The following UNC13D variants were observed in gnomAD, a reference collection of about 807,000 sequenced individuals.
UNC13D encodes unc-13 homolog D.
In UNC13D, 115 loss-of-function variants were observed where a neutral mutation model predicts 151.7. The ratio of observed to expected loss-of-function variants is 0.76; its 90% confidence interval spans 0.65 to 0.88. The LOEUF is 0.88. UNC13D is among the 40% of genes least tolerant of loss of function. The pLI, the probability that UNC13D is intolerant of heterozygous loss-of-function variation, is 0.00. For synonymous variants in UNC13D, 588 were observed against 612.2 expected (o/e 0.96, Z 0.58); for missense variants, 1,369 against 1,438.7 (o/e 0.95, Z 0.78).
chr17:75,829,063 T>C (rs369108124), intron 30 of UNC13D, 80 bp from the exon 31 acceptor site: 1 of 1,527,922 alleles, frequency 6.5e-7, no homozygotes, highest in African/African-American at 1.4e-5. Context: ...CCACTTGGTG[T>C]TGGGAACCAG....
chr17:75,837,154 C>T (rs550641644), intron 12 of UNC13D, among the ~76,000 whole-genome samples: 4 of 151,976 alleles, frequency 2.6e-5, no homozygotes, highest in African/African-American at 7.2e-5. Context: ...CAACCTGCGC[C>T]TCCTGGGTTC....
Position 75,835,998 on chromosome 17 carries a change from G to A in UNC13D, c.1544+14C>T. The A allele has an allele frequency of 6.2e-7, 1 of 1,614,168 alleles. No individual in the cohort carries two copies. The highest frequency in any genetic ancestry group is 1.7e-5 in the Admixed American group (1 of 60,028). Reference sequence around the variant, plus strand: ...GCAATGCCCCACTACCTCCCGACCTGGCTATCTGCTCACTTGTGGAAGATC... The same window carrying A: ...GCAATGCCCCACTACCTCCCGACCTAGCTATCTGCTCACTTGTGGAAGATC... On this transcript the variant is annotated intron_variant, in intron 17 of 31. Coordinates refer to ENST00000207549, the MANE Select transcript of UNC13D (RefSeq NM_199242.3).
Position 75,842,536 on chromosome 17 carries a change from G to C in UNC13D, c.466C>G (p.Arg156Gly). 1 of 1,612,724 alleles carries C rather than the reference G, an allele frequency of 6.2e-7. No individual in the cohort carries two copies. The highest frequency in any genetic ancestry group is 8.5e-7 in the Non-Finnish European group (1 of 1,179,620). ...VPGGSPGSRH[R>G]QKAVVRHTIP... ...GTGTGCCTCACCACAGCCTTCTGCC[G>C]ATGCCGGGACCCGGGGCTGCCCCCT... Residue 156 changes from arginine to glycine, a missense_variant, in exon 6 of 32, where the codon CGG (arginine) becomes GGG (glycine). Coordinates refer to ENST00000207549, the MANE Select transcript of UNC13D (RefSeq NM_199242.3).
chr17:75,831,671 G>T (rs1015077754), intron 25 of UNC13D: 2 of 423,090 alleles, frequency 4.7e-6, no homozygotes, highest in Non-Finnish European at 8.7e-6. Flanking sequence ...CATGATTTAA[G>T]ACAGAACCAG....
rs777619516 is a variant in UNC13D at position 75,844,267 on chromosome 17, C to T, written c.71G>A (p.Arg24His). 27 of 1,612,592 alleles carry T rather than the reference C, an allele frequency of 1.7e-5. No individual in the cohort carries two copies. The Admixed American group carries it at 2.3e-4, about 14-fold the overall frequency. Residue 24 changes from arginine to histidine, a missense_variant, in exon 1 of 32, where the codon CGC (arginine) becomes CAC (histidine). Around this residue, in one of 3 missense-constraint regions of UNC13D, gnomAD observed 550 missense variants for 609.0 expected, o/e 0.90. Coordinates refer to ENST00000207549, the MANE Select transcript of UNC13D (RefSeq NM_199242.3). ...GGGATCCTGTAGATCTCTGACTCTG[C>T]GGCGCCTTATCTTGATGGCCTGGCG... is the stretch of plus-strand genomic sequence containing the variant. Reference protein sequence around the residue: ...FLRQAIKIRRRRVRDLQDPPP... With the variant: ...FLRQAIKIRRHRVRDLQDPPP...
chr17:75,844,092 A>G, intron 1 of UNC13D, 129 bp downstream of exon 1: 2 of 1,495,752 alleles, frequency 1.3e-6, no homozygotes, highest in Non-Finnish European at 1.8e-6. Flanking sequence ...CCCAGGGTGG[A>G]GTAGGCAGGG....
Position 75,844,132 on chromosome 17 carries a change from C to T in UNC13D, c.117+89G>A, listed in dbSNP as rs966806659. The T allele has an allele frequency of 3.7e-5, 58 of 1,552,808 alleles. No individual in the cohort carries two copies. In the Admixed American group the frequency reaches 5.9e-4, roughly 16 times the overall value. On this transcript the variant is annotated intron_variant, in intron 1 of 31. Coordinates refer to ENST00000207549, the MANE Select transcript of UNC13D (RefSeq NM_199242.3). Reference sequence around the variant, plus strand: ...GTCGCTGGTCCCCAGTCCCAGCCTTCGAGAGGTGGGGCCAGACAGCAGGGC... The same window carrying T: ...GTCGCTGGTCCCCAGTCCCAGCCTTTGAGAGGTGGGGCCAGACAGCAGGGC...
chr17:75,839,770 G>A (rs1008446010), intron 12 of UNC13D, 69 bp downstream of exon 12: 21 of 1,520,260 alleles, frequency 1.4e-5, no homozygotes, highest in African/African-American at 5.5e-5. Context: ...TTGGGCTACC[G>A]GCTTGGAGGA....
chr17:75,828,008 C>T lies in UNC13D; in HGVS notation c.3230G>A (p.Arg1077Gln), dbSNP rs560279707. Residue 1077 changes from arginine to glutamine, a missense_variant, in exon 32 of 32, where the codon CGG (arginine) becomes CAG (glutamine). By Grantham distance (43) the Arg-to-Gln change is conservative (BLOSUM62 1). This residue lies in a region of UNC13D where 807 missense variants were observed against 795.5 expected (regional missense o/e 1.01). Transcript: ENST00000207549. ...GGCATGCTGGGAGGCCTGCTTGGCC[C>T]GGTGCCGCCGCAGCCTCACAAAGAC... ...AQVFVRLRRH[R>Q]AKQASQHALR... The T allele has an allele frequency of 9.6e-5, 153 of 1,596,746 alleles. No individual in the cohort carries two copies. In the South Asian group the frequency reaches 1.5e-3, roughly 16 times the overall value.
In UNC13D at chr17:75,828,861, G is replaced by C. The variant is rs765680080; in HGVS notation, c.3077C>G (p.Pro1026Arg). 12 of 1,596,922 alleles carry C rather than the reference G, an allele frequency of 7.5e-6. No homozygotes were observed. In the Admixed American group the frequency reaches 8.7e-5, roughly 12 times the overall value. ...GEAFLPLREVPGLSGSEEPGE... is the reference protein window; with the variant it reads ...GEAFLPLREVRGLSGSEEPGE... The stretch of plus-strand genomic sequence containing the variant: ...AGGCTCCTCAGAGCCACTCAGCCCG[G>C]GCACCTCACGCAGCGGCAGGAAGGC... Residue 1026 changes from proline to arginine, a missense_variant, in exon 31 of 32, where the codon CCC becomes CGC. Physicochemically the swap from Pro to Arg is moderately radical, Grantham distance 103 (BLOSUM62 -2). Coordinates refer to ENST00000207549, the MANE Select transcript of UNC13D (RefSeq NM_199242.3).
In UNC13D at chr17:75,831,164, C is replaced by A; in HGVS notation, c.2559G>T (p.Leu853=). ...AGCCCTCAGCGTGGAAGCAGATCTC[C>A]AGGTTCTGGGGGAGATATCAGAGGT... ...SNRLKIALQN[L]EICFHAEGCG... is the part of the protein sequence containing the mutation. The change falls in exon 27 of 32, where the codon CTG becomes CTT. Residue 853 remains leucine, a synonymous_variant. Transcript: ENST00000207549. 2.5e-6 allele frequency: 4 copies of A among 1,614,106 alleles called. No homozygotes were observed. The highest frequency in any genetic ancestry group is 1.3e-5 in the African/African-American group (1 of 75,052).
rs1045415053 is a variant in UNC13D, at chr17:75,827,605, C to A, written c.*360G>T. On this transcript the variant is annotated 3_prime_UTR_variant, in exon 32 of 32. Coordinates refer to ENST00000207549, the MANE Select transcript of UNC13D (RefSeq NM_199242.3). The stretch of plus-strand genomic sequence containing the variant: ...CTGGCCCCCACCCCAGTGGCTGGAA[C>A]AGGAAGGCCAGGAGGCAGATGGGCC... 1.3e-6 allele frequency: 2 copies of A among 1,532,204 alleles called. No individual in the cohort carries two copies. The highest frequency in any genetic ancestry group is 1.4e-5 in the African/African-American group (1 of 70,158). The allele number at this position is 1,532,204 out of a possible 1,614,324, so 94.9% of individuals were successfully genotyped here.
At position 75,828,023 on chromosome 17, in the gene UNC13D, C is replaced by G; in HGVS notation, c.3215G>C (p.Arg1072Thr). Reference protein sequence around the residue: ...KGDREAQVFVRLRRHRAKQAS... With the variant: ...KGDREAQVFVTLRRHRAKQAS... ...CTGCTTGGCCCGGTGCCGCCGCAGC[C>G]TCACAAAGACCTGGGCTTCTCGGTC... The change falls in exon 32 of 32, where the codon AGG becomes ACG. Residue 1072 changes from arginine to threonine, a missense_variant. By Grantham distance (71) the Arg-to-Thr change is moderately conservative (BLOSUM62 -1). Coordinates refer to ENST00000207549, the MANE Select transcript of UNC13D (RefSeq NM_199242.3). The G allele has an allele frequency of 1.3e-6, 2 of 1,591,046 alleles. No individual in the cohort carries two copies. Among genetic ancestry groups the G allele is most frequent in the Non-Finnish European group, 1.7e-6 (2 of 1,169,642 alleles).
intron 19 of UNC13D, 34 bp from the exon 20 acceptor site, chr17:75,835,563 T>TG (rs759694327): frequency 1.2e-6 from 2 of 1,605,926 alleles, no homozygotes; most frequent in African/African-American, 1.3e-5. Flanking sequence ...TCGGGAAGGC[T>TG]GGGGCCACCA....
chr17:75,831,147 G>C lies in UNC13D; in HGVS notation c.2576C>G (p.Ala859Gly). ...ALQNLEICFH[A>G]EGCGLPPKAL... ...CTTGGGTGGCAGGCCACAGCCCTCA[G>C]CGTGGAAGCAGATCTCCAGGTTCTG... The change falls in exon 27 of 32, where the codon GCT becomes GGT. Residue 859 changes from alanine (A) to glycine (G), a missense_variant. Coordinates refer to ENST00000207549, the MANE Select transcript of UNC13D (RefSeq NM_199242.3). The C allele has an allele frequency of 6.2e-7, 1 of 1,614,062 alleles. No homozygotes were observed. The highest frequency in any genetic ancestry group is 8.5e-7 in the Non-Finnish European group (1 of 1,180,044).
At position 75,840,634 on chromosome 17, in the gene UNC13D, G is replaced by A; in HGVS notation, c.684-58C>T. The A allele has an allele frequency of 6.2e-7, 1 of 1,612,140 alleles. No individual in the cohort carries two copies. The highest frequency in any genetic ancestry group is 8.5e-7 in the Non-Finnish European group (1 of 1,178,582). ...AGCAAGGGTCGGAAGGGATTAGGCT[G>A]GAATCCACCCCCGGCCGCAGCCACC... On this transcript the variant is annotated intron_variant, in intron 8 of 31. Transcript: ENST00000207549. The surrounding 1 kb of genome is among the most constrained non-coding windows in gnomAD (Gnocchi z 4.6).
chr17:75,840,082 G>A lies in UNC13D; in HGVS notation c.887C>T (p.Pro296Leu), dbSNP rs541737648. The A allele has an allele frequency of 2.2e-4, 361 of 1,613,040 alleles. No homozygotes were observed. Among genetic ancestry groups the A allele is most frequent in the Non-Finnish European group, 2.8e-4 (326 of 1,179,844 alleles). The change falls in exon 11 of 32, where the codon CCG (proline) becomes CTG (leucine). Residue 296 changes from proline (P) to leucine (L), a missense_variant. Physicochemically the swap from Pro to Leu is moderately conservative, Grantham distance 98. This residue lies in a region of UNC13D where 550 missense variants were observed against 609.0 expected (regional missense o/e 0.90). Transcript: ENST00000207549. The surrounding 1 kb of genome is among the most constrained non-coding windows in gnomAD (Gnocchi z 4.6). ...RRATSASRSQ[P>L]SYTVHLHLLQ... The stretch of plus-strand genomic sequence containing the variant: ...GAGGTGGAGGTGCACGGTGTAGCTC[G>A]GCTGCGAGCGGCTGGCCGAAGTGGC...
At chr17:75,831,685 G>A (rs765953712) in intron 25 of UNC13D, 16 of 365,912 alleles carry the variant, frequency 4.4e-5, no homozygotes, top group South Asian at 6.4e-5. Context: ...GAACCAGGCC[G>A]GGCGTGGTGG....
chr17:75,830,970 G>C lies in UNC13D; in HGVS notation c.2625+128C>G, dbSNP rs1030426863. Reference sequence around the variant, plus strand: ...CGTTCTAAAATTTGTAATAACTTTTGAATAAGGGGCCCAGTTTTTCATTTT... The same window carrying C: ...CGTTCTAAAATTTGTAATAACTTTTCAATAAGGGGCCCAGTTTTTCATTTT... On this transcript the variant is annotated intron_variant, in intron 27 of 31. Coordinates refer to ENST00000207549, the MANE Select transcript of UNC13D (RefSeq NM_199242.3). 24 of 1,187,128 alleles carry C rather than the reference G, an allele frequency of 2.0e-5. No homozygotes were observed. The African/African-American group carries it at 3.5e-4, about 17-fold the overall frequency. 73.5% of individuals were successfully genotyped at this position (1,187,128 alleles called of 1,614,324 possible).
Sources: allele counts gnomAD v4.1 joint callset (sites outside exome capture counted in the v4.1 genomes callset), GRCh38; gene constraint gnomAD v4.1.1; regional missense constraint gnomAD v4.1.1; non-coding constraint Gnocchi (gnomAD v3.1); transcripts MANE v1.5; gene names NCBI Gene and HGNC (gene_info 2026-07-23, HGNC 2026-07-21).